The following CDH18 variants were observed in gnomAD, a reference collection of about 807,000 sequenced individuals.
CDH18 encodes the protein cadherin 18, also known as cadherin-18.
Under a neutral mutation model 67.9 loss-of-function variants are expected in CDH18, and 31 were observed. The ratio of observed to expected loss-of-function variants is 0.46; its 90% confidence interval spans 0.34 to 0.62. CDH18 has a LOEUF of 0.62. Among genes scored for constraint, CDH18 ranks in the 20% least tolerant of loss-of-function variants. The probability of loss-of-function intolerance (pLI) is 0.01; values close to 1 mark genes in which losing one functional copy is unlikely to be tolerated. For synonymous variants in CDH18, 362 were observed against 347.2 expected (o/e 1.04, Z -0.48); for missense variants, 890 against 975.5 (o/e 0.91, Z 1.17).
intron 2 of CDH18, among the ~76,000 whole-genome samples, chr5:20,062,628 C>T (rs1742601163): frequency 6.6e-6 from 1 of 152,078 alleles, no homozygotes; most frequent in Non-Finnish European, 1.5e-5. Context: ...ATGGAGATGG[C>T]ACTGATTTTT....
chr5:20,072,227 A>G (rs1743540408), intron 2 of CDH18, among the ~76,000 whole-genome samples: 1 of 152,060 alleles, frequency 6.6e-6, no homozygotes. Context: ...AATATCAGGA[A>G]CCATCTGCAG....
chr5:19,736,173 C>A (rs941441098), intron 4 of CDH18, among the ~76,000 whole-genome samples: 1 of 152,108 alleles, frequency 6.6e-6, no homozygotes, highest in Non-Finnish European at 1.5e-5. Flanking sequence ...AACACTTGAA[C>A]GTAACAATTA....
chr5:20,329,048 A>G (rs1738904528), intron 1 of CDH18, among the ~76,000 whole-genome samples: 1 of 152,242 alleles, frequency 6.6e-6, no homozygotes, highest in Non-Finnish European at 1.5e-5. Context: ...TATTTACTTG[A>G]ACCTCTAAAT....
Position 19,834,847 on chromosome 5 carries a change from ATTCTGAG to A in CDH18, c.228+3905_228+3911del, listed in dbSNP as rs377011041. 5.5e-3 allele frequency among the ~76,000 whole-genome samples: 830 copies of A among 152,220 alleles called. 4 individuals carry two copies. Among genetic ancestry groups the A allele is most frequent in the African/African-American group, 0.019 (805 of 41,556 alleles). On this transcript the variant is annotated intron_variant, in intron 3 of 12. Transcript: ENST00000382275. ...TGCATGATTTTGAGTGAGTTTTTAA[ATTCTGAG>A]TTCTAATTTGATTGCAGTAGATGCT...
At chr5:19,681,172 A>G (rs919056416) in intron 5 of CDH18, among the ~76,000 whole-genome samples, 2 of 152,038 alleles carry the variant, frequency 1.3e-5, no homozygotes, top group Admixed American at 1.3e-4. Context: ...CAGAAAACCA[A>G]ATACTGCATT....
intron 2 of CDH18, among the ~76,000 whole-genome samples, chr5:20,201,222 C>T (rs925188): frequency 0.7 from 105,609 of 151,646 alleles, 37,404 homozygotes; most frequent in African/African-American, 0.84. Context: ...TGTCCTCCTA[C>T]AGCCATCTTC....
chr5:19,567,477 C>T (rs1386448229), intron 8 of CDH18, among the ~76,000 whole-genome samples: 8 of 152,264 alleles, frequency 5.3e-5, no homozygotes, highest in Admixed American at 3.9e-4. Flanking sequence ...TTTCAGGGCA[C>T]ATTGCAAAGT....
chr5:20,397,632 C>G (rs979170724), intron 1 of CDH18, among the ~76,000 whole-genome samples: 1 of 151,976 alleles, frequency 6.6e-6, no homozygotes, highest in African/African-American at 2.4e-5. Context: ...CGCTGTCAGA[C>G]AGAAAGATAA....
rs1750890336 is a variant in CDH18 at position 20,457,150 on chromosome 5, A to G, written c.-580+118312T>C. 2.0e-5 allele frequency among the ~76,000 whole-genome samples: 3 copies of G among 152,180 alleles called. No homozygotes were observed. In the South Asian group the frequency reaches 6.2e-4, roughly 31 times the overall value. ...CTATAAAGTTGGATCTCAGAGCAAA[A>G]TAGATCAAAATGTCAAACTATTGAA... On this transcript the variant is annotated intron_variant, in intron 1 of 14. Coordinates refer to the CDH18 transcript ENST00000507958.
chr5:20,237,886 A>G (rs1180089349), intron 2 of CDH18, among the ~76,000 whole-genome samples: 1 of 152,028 alleles, frequency 6.6e-6, no homozygotes, highest in Non-Finnish European at 1.5e-5. Context: ...GAAAAATAAC[A>G]CTATCTGATT....
intron 2 of CDH18, among the ~76,000 whole-genome samples, chr5:19,971,389 G>A (rs1239359482): frequency 6.6e-6 from 1 of 151,886 alleles, no homozygotes; most frequent in Non-Finnish European, 1.5e-5. Flanking sequence ...AAAGTTCAAT[G>A]CCACAGAAAA....
intron 2 of CDH18, among the ~76,000 whole-genome samples, chr5:19,958,684 G>C (rs1004175976): frequency 6.6e-6 from 1 of 152,058 alleles, no homozygotes; most frequent in Non-Finnish European, 1.5e-5. Flanking sequence ...GGAAGCCCCA[G>C]GTAACTGACA....
At chr5:20,105,876 A>T (rs1580255213) in intron 2 of CDH18, among the ~76,000 whole-genome samples, 1 of 152,140 alleles carries the variant, frequency 6.6e-6, no homozygotes, top group South Asian at 2.1e-4. Context: ...TGCAATGAAC[A>T]TTGGTGGAAA....
chr5:20,110,522 A>C (rs1747372168), intron 2 of CDH18, among the ~76,000 whole-genome samples: 1 of 152,174 alleles, frequency 6.6e-6, no homozygotes, highest in African/African-American at 2.4e-5. Flanking sequence ...ATCACTACTA[A>C]AAATACAAAA....
intron 6 of CDH18, among the ~76,000 whole-genome samples, chr5:19,593,469 T>C (rs1003114100): frequency 2.6e-5 from 4 of 152,246 alleles, no homozygotes; most frequent in African/African-American, 7.2e-5. Context: ...ATGTGTTCTT[T>C]AGAGAAACAG....
chr5:20,279,955 T>G (rs1746118169), intron 1 of CDH18, among the ~76,000 whole-genome samples: 1 of 151,874 alleles, frequency 6.6e-6, no homozygotes, highest in Non-Finnish European at 1.5e-5. Context: ...CTCTCAAGTA[T>G]AGTCCACGTT....
intron 2 of CDH18, chr5:20,158,850 T>G (rs1751755666): frequency 5.0e-6 from 1 of 199,454 alleles, no homozygotes; most frequent in Admixed American, 4.9e-5. Context: ...CAATCATCAT[T>G]AGCCAACTGC....
At chr5:19,927,803 T>C (rs115281243) in intron 2 of CDH18, among the ~76,000 whole-genome samples, 5,209 of 152,176 alleles carry the variant, frequency 0.034, 291 homozygotes, top group African/African-American at 0.12. Flanking sequence ...AAACAACCAA[T>C]ATGATGTTAT....
intron 1 of CDH18, among the ~76,000 whole-genome samples, chr5:20,430,159 G>T (rs916653174): frequency 3.9e-5 from 6 of 152,218 alleles, no homozygotes; most frequent in African/African-American, 9.6e-5. Context: ...TTTGAAATAA[G>T]AACTTAATTA....
Sources: allele counts gnomAD v4.1 joint callset (sites outside exome capture counted in the v4.1 genomes callset), GRCh38; gene constraint gnomAD v4.1.1; transcripts MANE v1.5; gene names NCBI Gene and HGNC (gene_info 2026-07-23, HGNC 2026-07-21).